Variants in SIRPB2 observed in about 807,000 individuals in gnomAD.
SIRPB2 encodes signal regulatory protein beta 2, also known as signal-regulatory protein beta-2.
A neutral mutation model predicts 27.1 loss-of-function variants in SIRPB2; 18 were observed. The observed-to-expected ratio is 0.66, with a 90% confidence interval of 0.46 to 0.98. The LOEUF (loss-of-function observed/expected upper bound fraction) is 0.98, where lower values mean the gene tolerates loss of function less well. Ranked by LOEUF, SIRPB2 falls within the 50% of genes least tolerant of loss-of-function variation. The probability of loss-of-function intolerance (pLI) is 0.00; values close to 1 mark genes in which losing one functional copy is unlikely to be tolerated. For synonymous variants in SIRPB2, 150 were observed against 164.6 expected (o/e 0.91, Z 0.68); for missense variants, 420 against 417.4 (o/e 1.01, Z -0.06).
At chr20:1,477,273 C>A (rs2090615574) in intron 4 of SIRPB2, 65 bp downstream of exon 4, 1 of 1,614,140 alleles carries the variant, frequency 6.2e-7, no homozygotes. Context: ...TTCCCATGAC[C>A]AAGCCATTCA....
intron 1 of SIRPB2, among the ~76,000 whole-genome samples, chr20:1,483,976 G>A (rs2090699537): frequency 1.3e-5 from 2 of 151,886 alleles, no homozygotes; most frequent in South Asian, 4.1e-4. Flanking sequence ...GATGTGTATT[G>A]GTATAATAGA....
Position 1,484,108 on chromosome 20 carries a change from A to G in SIRPB2, c.86-4043T>C, listed in dbSNP as rs1201435500. On this transcript the variant is annotated intron_variant, in intron 1 of 4. Coordinates refer to ENST00000359801, the MANE Select transcript of SIRPB2 (RefSeq NM_001122962.2). ...TTTGGCAAAGGTATCAAGAATACAC[A>G]TTCAATAAATGGTGCTGGAAAAACT... Among the ~76,000 whole-genome samples the G allele has an allele frequency of 3.9e-5, 6 of 152,346 alleles. No homozygotes were observed. In the East Asian group the frequency reaches 1.2e-3, roughly 29 times the overall value.
chr20:1,483,110 T>C (rs2090690024), intron 1 of SIRPB2, among the ~76,000 whole-genome samples: 1 of 85,704 alleles, frequency 1.2e-5, no homozygotes, highest in Admixed American at 1.3e-4. Context: ...TCCTCATCAT[T>C]TTTTTTTTTT....
chr20:1,487,615 T>C (rs527428278), intron 1 of SIRPB2, among the ~76,000 whole-genome samples: 1 of 152,146 alleles, frequency 6.6e-6, no homozygotes, highest in Non-Finnish European at 1.5e-5. Context: ...AGTCTAGAAA[T>C]AGTCCATGCA....
intron 1 of SIRPB2, among the ~76,000 whole-genome samples, chr20:1,483,490 G>A (rs936919804): frequency 6.6e-6 from 1 of 152,152 alleles, no homozygotes; most frequent in African/African-American, 2.4e-5. Flanking sequence ...TTTCCCTGAT[G>A]AGTGATGTTG....
chr20:1,476,012 G>C lies in SIRPB2; in HGVS notation c.*155C>G. The stretch of plus-strand genomic sequence containing the variant: ...TAGAGGGAAGCCCGGTGCAAAGAAG[G>C]GAATTTCACTAGGTGGACCAAAACC... On this transcript the variant is annotated 3_prime_UTR_variant, in exon 5 of 5. Coordinates refer to ENST00000359801, the MANE Select transcript of SIRPB2 (RefSeq NM_001122962.2). The C allele has an allele frequency of 1.3e-6, 1 of 778,738 alleles. No individual in the cohort carries two copies. The highest frequency in any genetic ancestry group is 1.9e-5 in the South Asian group (1 of 53,948). 48.2% of individuals were successfully genotyped at this position (778,738 alleles called of 1,614,324 possible).
intron 1 of SIRPB2, among the ~76,000 whole-genome samples, chr20:1,482,560 T>C (rs1358368370): frequency 2.6e-5 from 4 of 151,164 alleles, no homozygotes; most frequent in African/African-American, 9.8e-5. Flanking sequence ...CCTTCCTTCC[T>C]CTCTCTCTTT....
intron 2 of SIRPB2, chr20:1,479,276 G>A (rs757738507): frequency 5.1e-6 from 1 of 197,224 alleles, no homozygotes; most frequent in Non-Finnish European, 1.1e-5. Context: ...CTCAGGTTTT[G>A]ACTCTGTGCT....
At position 1,476,771 on chromosome 20, in the gene SIRPB2, C is replaced by G. The variant is rs2090609972; in HGVS notation, c.860-435G>C. 16 of 1,043,768 alleles carry G rather than the reference C, an allele frequency of 1.5e-5. 1 individual carries two copies. In the South Asian group the frequency reaches 5.0e-4, roughly 33 times the overall value. The allele number at this position is 1,043,768 out of a possible 1,614,324, so 64.7% of individuals were successfully genotyped here. A position where few individuals can be genotyped will look rare whatever the true frequency, so the allele number is the denominator to read the frequency against. On this transcript the variant is annotated intron_variant, in intron 4 of 4. Coordinates refer to ENST00000359801, the MANE Select transcript of SIRPB2 (RefSeq NM_001122962.2). ...AGGGCCGAGCATCAGGAAGGCAAATCTGACCACATCTATCACAAGCTCCCA... is the reference window on the plus strand; with the variant it reads ...AGGGCCGAGCATCAGGAAGGCAAATGTGACCACATCTATCACAAGCTCCCA...
chr20:1,482,005 A>G (rs1050522596), intron 1 of SIRPB2, among the ~76,000 whole-genome samples: 2 of 152,332 alleles, frequency 1.3e-5, no homozygotes, highest in African/African-American at 4.8e-5. Flanking sequence ...CAGAAGAGAG[A>G]TGCAGCCCAG....
At chr20:1,485,085 A>G (rs2090712241) in intron 1 of SIRPB2, among the ~76,000 whole-genome samples, 1 of 152,162 alleles carries the variant, frequency 6.6e-6, no homozygotes, top group African/African-American at 2.4e-5. Flanking sequence ...CGTGGGGAAA[A>G]GTGAGTGTAG....
downstream of SIRPB2, among the ~76,000 whole-genome samples, chr20:1,472,374 T>C (rs1237500446): frequency 6.6e-6 from 1 of 152,156 alleles, no homozygotes; most frequent in Non-Finnish European, 1.5e-5. Flanking sequence ...GCCATGTCCC[T>C]ATAAGTCCCT....
chr20:1,486,373 A>G (rs1015274738), intron 1 of SIRPB2, among the ~76,000 whole-genome samples: 2 of 152,124 alleles, frequency 1.3e-5, no homozygotes, highest in African/African-American at 4.8e-5. Flanking sequence ...ATGCCCAGCC[A>G]AATTTTCCAT....
At chr20:1,485,352 C>A (rs78637162) in intron 1 of SIRPB2, among the ~76,000 whole-genome samples, 16,765 of 151,720 alleles carry the variant, frequency 0.11, 1,026 homozygotes, top group Admixed American at 0.18. Flanking sequence ...TTACATGAAC[C>A]CCATAAATAT....
downstream of SIRPB2, among the ~76,000 whole-genome samples, chr20:1,471,500 C>G (rs2090581112): frequency 6.6e-6 from 1 of 152,204 alleles, no homozygotes; most frequent in Admixed American, 6.5e-5. Flanking sequence ...AATGTTGAGT[C>G]AGAAAGCAAG....
At chr20:1,486,216 G>A (rs1325956749) in intron 1 of SIRPB2, among the ~76,000 whole-genome samples, 1 of 151,808 alleles carries the variant, frequency 6.6e-6, no homozygotes, top group Non-Finnish European at 1.5e-5. Flanking sequence ...GAGATTACAG[G>A]CATGCACCAC....
intron 1 of SIRPB2, among the ~76,000 whole-genome samples, chr20:1,481,546 A>G (rs948215405): frequency 6.6e-6 from 1 of 152,154 alleles, no homozygotes; most frequent in African/African-American, 2.4e-5. Flanking sequence ...ATTTGTTTGC[A>G]GTATATCATG....
In SIRPB2 at chr20:1,476,052, A is replaced by C; in HGVS notation, c.*115T>G. On this transcript the variant is annotated 3_prime_UTR_variant, in exon 5 of 5. Coordinates refer to ENST00000359801, the MANE Select transcript of SIRPB2 (RefSeq NM_001122962.2). ...GGACCAAAACCAGATGTAGGGATCT[A>C]GGAGTTTGTCATGAGGCCTGGGGGC... The C allele has an allele frequency of 3.4e-6, 4 of 1,172,510 alleles. No individual in the cohort carries two copies. Among genetic ancestry groups the C allele is most frequent in the South Asian group, 1.4e-5 (1 of 72,360 alleles). The allele number at this position is 1,172,510 out of a possible 1,614,324, so 72.6% of individuals were successfully genotyped here.
Position 1,476,570 on chromosome 20 carries a change from T to C in SIRPB2, c.860-234A>G, listed in dbSNP as rs115037197. On this transcript the variant is annotated intron_variant, in intron 4 of 4. Coordinates refer to ENST00000359801, the MANE Select transcript of SIRPB2 (RefSeq NM_001122962.2). ...AATCATCTCAGTCACATCCCTAACC[T>C]CTGCTATTCCTAATTGCCTAATGCA... 1,018 of 415,496 alleles carry C rather than the reference T, an allele frequency of 2.5e-3. 14 individuals are homozygous for C. Among genetic ancestry groups the C allele is most frequent in the African/African-American group, 0.021 (960 of 46,356 alleles). The allele number at this position is 415,496 out of a possible 1,614,324, so 25.7% of individuals were successfully genotyped here. A position where few individuals can be genotyped will look rare whatever the true frequency, so the allele number is the denominator to read the frequency against.
Sources: allele counts gnomAD v4.1 joint callset (sites outside exome capture counted in the v4.1 genomes callset), GRCh38; gene constraint gnomAD v4.1.1; transcripts MANE v1.5; gene names NCBI Gene and HGNC (gene_info 2026-07-23, HGNC 2026-07-21).